The following SND1 variants were observed in gnomAD, a reference collection of about 807,000 sequenced individuals.
SND1 encodes staphylococcal nuclease domain-containing protein 1.
In SND1, 38 loss-of-function variants were observed where a neutral mutation model predicts 121.7. The observed-to-expected ratio is 0.31, with a 90% CI of 0.24 to 0.41. SND1 has a LOEUF of 0.41. SND1 is among the 10% of genes least tolerant of loss of function. The pLI, the probability that SND1 is intolerant of heterozygous loss-of-function variation, is 1.00. For synonymous variants in SND1, 401 were observed against 447.4 expected (o/e 0.90, Z 1.31); for missense variants, 868 against 1,184.6 (o/e 0.73, Z 3.92).
chr7:127,894,574 G>A (rs1800080554), intron 13 of SND1, among the ~76,000 whole-genome samples: 1 of 152,074 alleles, frequency 6.6e-6, no homozygotes, highest in African/African-American at 2.4e-5. Flanking sequence ...TGACACTATT[G>A]TGATTTGTTA....
chr7:127,993,580 G>T (rs935722524), intron 16 of SND1, among the ~76,000 whole-genome samples: 20 of 152,250 alleles, frequency 1.3e-4, no homozygotes, highest in African/African-American at 4.8e-4. Context: ...CCGCTGGGAT[G>T]GCCGCAGTTG....
chr7:127,867,908 A>G (rs1799509121), intron 12 of SND1, among the ~76,000 whole-genome samples: 1 of 151,568 alleles, frequency 6.6e-6, no homozygotes, highest in Admixed American at 6.6e-5. Flanking sequence ...TTTAAAAAAA[A>G]AAAAATTAAA....
At chr7:127,911,135 A>G (rs1250495808) in intron 14 of SND1, among the ~76,000 whole-genome samples, 1 of 152,112 alleles carries the variant, frequency 6.6e-6, no homozygotes, top group African/African-American at 2.4e-5. Flanking sequence ...AATTTAGGAA[A>G]AGCTATTGCT....
chr7:127,803,557 GCAAT>G (rs1798175009), intron 10 of SND1, among the ~76,000 whole-genome samples: 1 of 151,804 alleles, frequency 6.6e-6, no homozygotes, highest in Admixed American at 6.6e-5. Flanking sequence ...TATATCAGTG[GCAAT>G]CAATTTATAT....
intron 2 of SND1, among the ~76,000 whole-genome samples, chr7:127,690,162 CAG>C: frequency 6.6e-6 from 1 of 152,058 alleles, no homozygotes; most frequent in East Asian, 1.9e-4. Flanking sequence ...TATTTTTTCC[CAG>C]ACTCTTCAGT....
At chr7:127,852,490 TAAA>T (rs779324036) in intron 12 of SND1, among the ~76,000 whole-genome samples, 4 of 83,928 alleles carry the variant, frequency 4.8e-5, no homozygotes, top group Admixed American at 2.8e-4. Context: ...AGACTCCCTC[TAAA>T]AAAAAAAAAA....
intron 10 of SND1, among the ~76,000 whole-genome samples, chr7:127,801,761 T>C (rs1309494474): frequency 6.6e-6 from 1 of 152,206 alleles, no homozygotes; most frequent in Non-Finnish European, 1.5e-5. Flanking sequence ...ACACAGCTTT[T>C]GAAAGGACTG....
At chr7:128,078,887 G>A (rs757638194) in intron 17 of SND1, among the ~76,000 whole-genome samples, 5 of 152,220 alleles carry the variant, frequency 3.3e-5, no homozygotes, top group Admixed American at 6.5e-5. Context: ...GCTCAGTGCC[G>A]GGAAAGGAGG....
In SND1 at chr7:127,821,456, C is replaced by G. The variant is rs1396601720; in HGVS notation, c.1242+13883C>G. Among the ~76,000 whole-genome samples, 6 of 152,180 alleles carry G rather than the reference C, an allele frequency of 3.9e-5. 1 individual carries two copies. The highest frequency in any genetic ancestry group is 7.3e-5 in the Non-Finnish European group (5 of 68,034). ...TTTCCTGGACTCCATGTCATCATCT[C>G]TGCTCTCCAACTGTTGTCTCCAGGT... is the stretch of plus-strand genomic sequence containing the variant. On this transcript the variant is annotated intron_variant, in intron 11 of 23. Coordinates refer to ENST00000354725, the MANE Select transcript of SND1 (RefSeq NM_014390.4).
chr7:127,655,845 T>G (rs558144353), intron 1 of SND1, among the ~76,000 whole-genome samples: 1 of 152,314 alleles, frequency 6.6e-6, no homozygotes, highest in East Asian at 1.9e-4. Flanking sequence ...TGGGTATGTT[T>G]ACATGTCTTG....
chr7:127,788,166 A>G (rs1295074939), intron 10 of SND1, among the ~76,000 whole-genome samples: 1 of 152,212 alleles, frequency 6.6e-6, no homozygotes, highest in Non-Finnish European at 1.5e-5. Flanking sequence ...GATCTAGTCA[A>G]CCCTTTCTCT....
At chr7:128,040,437 TAAAAAAAAA>T (rs67595921) in intron 16 of SND1, among the ~76,000 whole-genome samples, 21 of 32,898 alleles carry the variant, frequency 6.4e-4, no homozygotes, top group Admixed American at 1.1e-3. Context: ...GTCCTATCTT[TAAAAAAAAA>T]AAAAAAAAAA....
chr7:127,843,339 C>T (rs372779904), intron 11 of SND1, among the ~76,000 whole-genome samples: 18 of 152,230 alleles, frequency 1.2e-4, no homozygotes, highest in Admixed American at 4.6e-4. Flanking sequence ...ACTATAGTGT[C>T]GTACAGAATA....
intron 14 of SND1, among the ~76,000 whole-genome samples, chr7:127,923,718 TG>T (rs749097447): frequency 2.0e-5 from 3 of 152,148 alleles, no homozygotes; most frequent in African/African-American, 4.8e-5. Context: ...AGTTGTGATT[TG>T]TCTTCCATAT....
At chr7:127,792,746 G>T (rs1797934140) in intron 10 of SND1, among the ~76,000 whole-genome samples, 1 of 152,170 alleles carries the variant, frequency 6.6e-6, no homozygotes, top group Non-Finnish European at 1.5e-5. Context: ...CCAGTTGATT[G>T]GTTCTGATGA....
At chr7:127,682,815 G>T (rs1795750242) in intron 1 of SND1, among the ~76,000 whole-genome samples, 1 of 152,168 alleles carries the variant, frequency 6.6e-6, no homozygotes, top group Non-Finnish European at 1.5e-5. Context: ...CATGCCACTT[G>T]CCTAGAACAA....
intron 2 of SND1, among the ~76,000 whole-genome samples, chr7:127,693,833 T>G (rs569617200): frequency 6.6e-6 from 1 of 152,284 alleles, no homozygotes; most frequent in South Asian, 2.1e-4. Flanking sequence ...CTTGGGACAT[T>G]AAACCAGGTC....
intron 2 of SND1, chr7:127,687,159 A>G (rs929204989): frequency 4.5e-5 from 7 of 156,208 alleles, no homozygotes; most frequent in African/African-American, 1.7e-4. Context: ...AGAAGGATAT[A>G]TAGTGAAAAA....
At chr7:127,855,875 G>A (rs1799264280) in intron 12 of SND1, among the ~76,000 whole-genome samples, 1 of 152,120 alleles carries the variant, frequency 6.6e-6, no homozygotes, top group Non-Finnish European at 1.5e-5. Context: ...TTCTTTTAAG[G>A]ATGAATTTAG....
Sources: allele counts gnomAD v4.1 joint callset (sites outside exome capture counted in the v4.1 genomes callset), GRCh38; gene constraint gnomAD v4.1.1; transcripts MANE v1.5; gene names NCBI Gene and HGNC (gene_info 2026-07-23, HGNC 2026-07-21).